The following ANK2 variants were observed in gnomAD, a reference collection of about 807,000 sequenced individuals.
ANK2 encodes the protein ankyrin 2.
A neutral mutation model predicts 360.5 loss-of-function variants in ANK2; 83 were observed. The observed-to-expected ratio is 0.23, with a 90% CI of 0.19 to 0.28. ANK2 has a LOEUF of 0.28. Ranked by LOEUF, ANK2 falls within the 10% of genes least tolerant of loss-of-function variation. ANK2 has a pLI of 1.00. For missense variants in ANK2, 4,201 were observed against 4,795.7 expected (o/e 0.88, Z 3.66); for synonymous variants, 1,740 against 1,759.5 (o/e 0.99, Z 0.28).
chr4:112,780,415 C>A, the ANK2 span, among the ~76,000 whole-genome samples: 7 of 151,972 alleles, frequency 4.6e-5, no homozygotes, highest in African/African-American at 1.7e-4. Flanking sequence ...ACCTAAGTAA[C>A]AAAGACACAG....
chr4:113,167,510 G>T (rs1384215121), intron 1 of ANK2, among the ~76,000 whole-genome samples: 1 of 151,888 alleles, frequency 6.6e-6, no homozygotes, highest in African/African-American at 2.4e-5. Context: ...TGTTGGTCAG[G>T]CTGGTCTCAA....
chr4:113,265,338 G>C (rs760482338), intron 14 of ANK2, among the ~76,000 whole-genome samples: 4 of 152,008 alleles, frequency 2.6e-5, no homozygotes, highest in Non-Finnish European at 5.9e-5. Flanking sequence ...AAAGTATTTA[G>C]ATGCTATACA....
chr4:112,810,145 ATATATATATATATATTTTTT>A, the ANK2 span, among the ~76,000 whole-genome samples: 8,132 of 56,544 alleles, frequency 0.14, 311 homozygotes, highest in Admixed American at 0.17. Context: ...ATATATATAT[ATATATATATATATATTTTTT>A]TTTTTTTTTT....
the ANK2 span, among the ~76,000 whole-genome samples, chr4:112,765,184 C>T: frequency 0.017 from 2,549 of 152,290 alleles, 41 homozygotes; most frequent in South Asian, 0.032. Context: ...GTAACTACAT[C>T]AAAGAAAAGT....
chr4:112,845,426 C>A (rs1197199003), intron 1 of ANK2, among the ~76,000 whole-genome samples: 1 of 151,572 alleles, frequency 6.6e-6, no homozygotes, highest in Non-Finnish European at 1.5e-5. Context: ...GAATAGATTT[C>A]TTCCTTAGGT....
rs1564042909 is a variant in ANK2, at chr4:113,357,431, C to G, written c.8813C>G (p.Ser2938Cys). The part of the protein sequence containing the change: ...YENVPSQSFF[S>C]SEESKTQTDA... ...AATGTCCCTTCCCAATCTTTTTTCT[C>G]TAGTGAAGAAAGCAAAACCCAAACA... The change falls in exon 38 of 46, where the codon TCT becomes TGT. Residue 2938 changes from serine (S) to cysteine (C), a missense_variant. Transcript: ENST00000357077. 2.5e-6 allele frequency: 4 copies of G among 1,614,058 alleles called. No homozygotes were observed. Among genetic ancestry groups the G allele is most frequent in the Non-Finnish European group, 3.4e-6 (4 of 1,179,972 alleles).
Position 113,035,245 on chromosome 4 carries a change from G to GATTTTTTATT in ANK2, c.21+130732_21+130733insTTTTTTATTA, listed in dbSNP as rs1561630469. ...TTTATCCAGTTGGAAAGAAAATACA[G>GATTTTTTATT]AGGCATATTAAGCAGTTAATGAGAA... is the stretch of plus-strand genomic sequence containing the variant. On this transcript the variant is annotated intron_variant, in intron 2 of 30. Transcript: ENST00000503271. 6.6e-5 allele frequency among the ~76,000 whole-genome samples: 10 copies of GATTTTTTATT among 151,560 alleles called. No homozygotes were observed. The East Asian group carries it at 1.4e-3, about 21-fold the overall frequency.
chr4:113,319,421 T>A (rs1405593274), intron 26 of ANK2, among the ~76,000 whole-genome samples: 22 of 151,260 alleles, frequency 1.5e-4, no homozygotes, highest in South Asian at 1.4e-3. Flanking sequence ...TTTTATTTAA[T>A]TATTTTTAAA....
At chr4:113,159,563 T>G (rs962083539) in intron 1 of ANK2, among the ~76,000 whole-genome samples, 2 of 152,046 alleles carry the variant, frequency 1.3e-5, no homozygotes, top group Admixed American at 1.3e-4. Context: ...CATAAAATCT[T>G]TTTCCTCACA....
chr4:112,732,564 G>A, the ANK2 span, among the ~76,000 whole-genome samples: 1 of 152,270 alleles, frequency 6.6e-6, no homozygotes, highest in African/African-American at 2.4e-5. Context: ...AATTGTAGCA[G>A]TCAGGTTCTT....
chr4:113,137,167 A>G (rs1473989410), intron 1 of ANK2, among the ~76,000 whole-genome samples: 1 of 152,178 alleles, frequency 6.6e-6, no homozygotes, highest in Non-Finnish European at 1.5e-5. Context: ...GATTATAGGG[A>G]GTTCCTTGAA....
intron 41 of ANK2, 91 bp downstream of exon 41, chr4:113,365,273 CTTT>C: frequency 7.5e-6 from 8 of 1,064,240 alleles, no homozygotes; most frequent in Admixed American, 2.8e-5. Context: ...GACCTACTGT[CTTT>C]TTTTTTTTTC....
intron 1 of ANK2, among the ~76,000 whole-genome samples, chr4:113,101,417 G>A (rs991525060): frequency 6.6e-6 from 1 of 152,090 alleles, no homozygotes; most frequent in Non-Finnish European, 1.5e-5. Context: ...ATTCAATATG[G>A]ATCCCAAGGG....
At chr4:113,129,901 A>G (rs1232178456) in intron 1 of ANK2, among the ~76,000 whole-genome samples, 1 of 152,184 alleles carries the variant, frequency 6.6e-6, no homozygotes, top group Non-Finnish European at 1.5e-5. Context: ...ATGATGTTGA[A>G]AATAACAATT....
chr4:112,967,591 T>G, intron 2 of ANK2, among the ~76,000 whole-genome samples: 1 of 152,222 alleles, frequency 6.6e-6, no homozygotes, highest in East Asian at 1.9e-4. Flanking sequence ...TCCAAAGGTG[T>G]GAAAACAAAG....
Position 113,237,047 on chromosome 4 carries a change from C to T in ANK2, c.544C>T (p.Leu182Phe). 2.5e-6 allele frequency: 4 copies of T among 1,614,174 alleles called. No homozygotes were observed. Among genetic ancestry groups the T allele is most frequent in the South Asian group, 1.1e-5 (1 of 91,080 alleles). The change falls in exon 6 of 46, where the codon CTC becomes TTC. Residue 182 changes from leucine to phenylalanine, a missense_variant. Physicochemically the swap from Leu to Phe is conservative, Grantham distance 22. This residue lies in a region of ANK2 where 122 missense variants were observed against 239.3 expected (regional missense o/e 0.51). Transcript: ENST00000357077. ...AGGACACAACCAGGCGGTGGCCATCCTCTTGGAGAATGACACCAAAGGGAA... is the reference window on the plus strand; with the variant it reads ...AGGACACAACCAGGCGGTGGCCATCTTCTTGGAGAATGACACCAAAGGGAA... Reference protein sequence around the residue: ...QQGHNQAVAILLENDTKGKVR... With the variant: ...QQGHNQAVAIFLENDTKGKVR...
chr4:112,877,496 T>G (rs1412029175), intron 1 of ANK2, among the ~76,000 whole-genome samples: 2 of 152,216 alleles, frequency 1.3e-5, no homozygotes, highest in African/African-American at 2.4e-5. Flanking sequence ...ATTACAGGCA[T>G]GAGACACAGC....
At chr4:113,278,724 C>G (rs1177402764) in intron 17 of ANK2, among the ~76,000 whole-genome samples, 166 bp downstream of exon 17, 2 of 152,018 alleles carry the variant, frequency 1.3e-5, no homozygotes, top group Non-Finnish European at 1.5e-5. Context: ...CTGCCAGTTG[C>G]GTCTTGAAAA....
chr4:112,787,279 T>C, the ANK2 span, among the ~76,000 whole-genome samples: 3 of 152,316 alleles, frequency 2.0e-5, no homozygotes, highest in Middle Eastern at 3.4e-3. Flanking sequence ...GTTCTTCACA[T>C]GTAAAGACCT....
Sources: gnomAD v4.1 joint callset for allele counts (sites outside exome capture counted in the v4.1 genomes callset) on GRCh38, gnomAD v4.1.1 for gene constraint, gnomAD v4.1.1 regional missense constraint, MANE v1.5 for transcripts, NCBI Gene and HGNC (gene_info 2026-07-23, HGNC 2026-07-21) for gene names.